VTI1A: variants seen among roughly 807,000 people sequenced by gnomAD.
The protein encoded by VTI1A is vesicle transport through interaction with t-SNAREs homolog 1A.
Under a neutral mutation model 34.9 loss-of-function variants are expected in VTI1A, and 22 were observed. That is an observed-to-expected ratio of 0.63 (90% CI 0.45 to 0.90). The LOEUF is 0.90. Ranked by LOEUF, VTI1A falls within the 40% of genes least tolerant of loss-of-function variation. The probability of loss-of-function intolerance (pLI) is 0.00; values close to 1 mark genes in which losing one functional copy is unlikely to be tolerated. For synonymous variants in VTI1A, 87 were observed against 97.3 expected (o/e 0.89, Z 0.62); for missense variants, 268 against 275.6 (o/e 0.97, Z 0.20).
chr10:112,840,291 A>G, the VTI1A span, among the ~76,000 whole-genome samples: 1 of 152,134 alleles, frequency 6.6e-6, no homozygotes, highest in African/African-American at 2.4e-5. Flanking sequence ...CCATCCAGAG[A>G]AAGCCAAATA....
intron 4 of VTI1A, among the ~76,000 whole-genome samples, chr10:112,534,063 C>T (rs1263880678): frequency 1.3e-5 from 2 of 152,098 alleles, no homozygotes; most frequent in South Asian, 2.1e-4. Context: ...TGCCCTGCTA[C>T]TCTGTGTACA....
At chr10:112,548,918 C>T in intron 5 of VTI1A, 8 of 921,336 alleles carry the variant, frequency 8.7e-6, no homozygotes, top group Middle Eastern at 3.2e-4. Flanking sequence ...CATCCACTGA[C>T]ATTTTCTTCT....
chr10:112,544,985 C>A (rs139549216), intron 5 of VTI1A, among the ~76,000 whole-genome samples: 1 of 152,100 alleles, frequency 6.6e-6, no homozygotes, highest in African/African-American at 2.4e-5. Flanking sequence ...ATCAGGCAAG[C>A]GACCTGATCT....
chr10:112,469,274 C>CAAGGA (rs555012441), intron 3 of VTI1A, among the ~76,000 whole-genome samples: 147 of 152,206 alleles, frequency 9.7e-4, no homozygotes, highest in African/African-American at 3.5e-3. Flanking sequence ...ATCACTTCTC[C>CAAGGA]AAGGATACTT....
chr10:112,536,556 C>T (rs543734447), intron 4 of VTI1A, among the ~76,000 whole-genome samples: 38 of 152,098 alleles, frequency 2.5e-4, no homozygotes, highest in African/African-American at 8.4e-4. Context: ...ATACAAGAAG[C>T]TTTCCTCTCT....
chr10:112,454,588 C>T lies in VTI1A; in HGVS notation c.95-5936C>T, dbSNP rs139782986. On this transcript the variant is annotated intron_variant, in intron 1 of 7. Transcript: ENST00000393077. ...CTGCACTCTAGCCTGGGTGACAGAG[C>T]GAGATCTTGTCTCTAAATGAAAAAG... Among the ~76,000 whole-genome samples the T allele has an allele frequency of 3.0e-3, 456 of 151,830 alleles. 1 individual carries two copies. The highest frequency in any genetic ancestry group is 0.01 in the African/African-American group (422 of 41,396).
chr10:112,687,218 ACTTTTTTT>A (rs1848445625), intron 7 of VTI1A, among the ~76,000 whole-genome samples: 1 of 124,182 alleles, frequency 8.1e-6, no homozygotes, highest in African/African-American at 3.1e-5. Context: ...GCATACTACA[ACTTTTTTT>A]TTTTTTTTTT....
At chr10:112,448,652 T>C (rs1013110943) in intron 1 of VTI1A, among the ~76,000 whole-genome samples, 5 of 152,226 alleles carry the variant, frequency 3.3e-5, no homozygotes, top group Admixed American at 6.5e-5. Context: ...GACTTGTCCC[T>C]ACCCTAGCTC....
chr10:112,820,162 C>T (rs1014327367), downstream of VTI1A, among the ~76,000 whole-genome samples: 1 of 152,230 alleles, frequency 6.6e-6, no homozygotes, highest in Non-Finnish European at 1.5e-5. Context: ...TGGAGGATCT[C>T]AAGCCTCCAT....
At chr10:112,736,483 T>C (rs1289563994) in intron 7 of VTI1A, among the ~76,000 whole-genome samples, 1 of 151,924 alleles carries the variant, frequency 6.6e-6, no homozygotes, top group East Asian at 1.9e-4. Context: ...GGTGGGTGGG[T>C]GGATGGATGG....
chr10:112,646,525 C>CT (rs34886969), intron 5 of VTI1A, among the ~76,000 whole-genome samples: 217 of 141,926 alleles, frequency 1.5e-3, no homozygotes, highest in East Asian at 2.0e-3. Context: ...GTACCATGTT[C>CT]TTTTTTTTTT....
chr10:112,827,702 G>A, the VTI1A span: 2 of 152,242 alleles, frequency 1.3e-5, no homozygotes, highest in African/African-American at 4.8e-5. Flanking sequence ...TATTTGATGA[G>A]TTAAATAAAA....
the VTI1A span, among the ~76,000 whole-genome samples, chr10:112,828,814 C>G: frequency 6.3e-4 from 95 of 150,746 alleles, no homozygotes; most frequent in Middle Eastern, 3.4e-3. Context: ...GAATTCAAGA[C>G]CAGCCTGAGC....
intron 5 of VTI1A, among the ~76,000 whole-genome samples, chr10:112,643,374 A>G (rs553070723): frequency 5.9e-5 from 9 of 152,222 alleles, no homozygotes; most frequent in Non-Finnish European, 1.2e-4. Flanking sequence ...TGATTATTGA[A>G]TGTCCTGTGA....
At chr10:112,707,262 G>A (rs1463076430) in intron 7 of VTI1A, among the ~76,000 whole-genome samples, 5 of 151,934 alleles carry the variant, frequency 3.3e-5, no homozygotes, top group African/African-American at 9.7e-5. Flanking sequence ...CAGCCTTCCC[G>A]GGGTCAGGTG....
intron 3 of VTI1A, among the ~76,000 whole-genome samples, chr10:112,482,201 A>G (rs1282608775): frequency 6.6e-6 from 1 of 152,196 alleles, no homozygotes; most frequent in African/African-American, 2.4e-5. Flanking sequence ...GTTTTTTAAC[A>G]TAATATATTG....
intron 7 of VTI1A, among the ~76,000 whole-genome samples, chr10:112,769,434 TA>T (rs1199504439): frequency 6.6e-6 from 1 of 152,314 alleles, no homozygotes; most frequent in Non-Finnish European, 1.5e-5. Flanking sequence ...TGAGTTGACT[TA>T]AAGTCCAAGT....
At chr10:112,756,823 G>A (rs1851297589) in intron 7 of VTI1A, among the ~76,000 whole-genome samples, 1 of 152,152 alleles carries the variant, frequency 6.6e-6, no homozygotes, top group Non-Finnish European at 1.5e-5. Flanking sequence ...CGAGCCGGGA[G>A]AATCCCTGAG....
At chr10:112,627,410 A>G (rs1448804980) in intron 5 of VTI1A, among the ~76,000 whole-genome samples, 6 of 152,322 alleles carry the variant, frequency 3.9e-5, no homozygotes, top group African/African-American at 1.4e-4. Context: ...GACAGTTTTT[A>G]AAATGTTTTA....
Sources: gnomAD v4.1 joint callset for allele counts (sites outside exome capture counted in the v4.1 genomes callset) on GRCh38, gnomAD v4.1.1 for gene constraint, MANE v1.5 for transcripts, NCBI Gene and HGNC (gene_info 2026-07-23, HGNC 2026-07-21) for gene names.